The following RBPMS variants were observed in gnomAD, a reference collection of about 807,000 sequenced individuals.
RBPMS encodes RNA-binding protein with multiple splicing.
A neutral mutation model predicts 26.8 loss-of-function variants in RBPMS; 7 were observed. That is an observed-to-expected ratio of 0.26 (90% confidence interval 0.15 to 0.49). The LOEUF is 0.49. RBPMS is among the 20% of genes least tolerant of loss of function. The probability of loss-of-function intolerance (pLI) is 0.98; values close to 1 mark genes in which losing one functional copy is unlikely to be tolerated. For synonymous variants in RBPMS, 96 were observed against 93.3 expected, an observed-to-expected ratio of 1.03 and a Z score of -0.17; for missense variants, 186 against 250.0, an observed-to-expected ratio of 0.74 and a Z score of 1.73.
At chr8:30,443,272 T>G (rs192951021) in intron 1 of RBPMS, among the ~76,000 whole-genome samples, 2 of 152,326 alleles carry the variant, frequency 1.3e-5, no homozygotes, top group Admixed American at 1.3e-4. Flanking sequence ...TTAAATAGTT[T>G]TTTAAAATGG....
At position 30,390,347 on chromosome 8, in the gene RBPMS, C is replaced by T. The variant is rs968284542; in HGVS notation, c.66+5189C>T. On this transcript the variant is annotated intron_variant, in intron 1 of 8. Transcript: ENST00000397323. ...CTTAGTACTATTAGTATTTCTCTTA[C>T]TCATTCCCTTATCTTGATTGTGTTA... Among the ~76,000 whole-genome samples, 7 of 152,290 alleles carry T rather than the reference C, an allele frequency of 4.6e-5. No individual in the cohort carries two copies. The East Asian group carries it at 1.2e-3, about 25-fold the overall frequency.
rs1386914478 is a variant in RBPMS, at chr8:30,455,401, T to A, written c.67-19378T>A. Among the ~76,000 whole-genome samples the A allele has an allele frequency of 4.0e-5, 6 of 150,502 alleles. No homozygotes were observed. The East Asian group carries it at 1.2e-3, about 30-fold the overall frequency. ...TACTCTCAAGGAATTTATAATTAAATTGGAGAGGACTTAACTAAAGCCTGT... is the reference window on the plus strand; with the variant it reads ...TACTCTCAAGGAATTTATAATTAAAATGGAGAGGACTTAACTAAAGCCTGT... On this transcript the variant is annotated intron_variant, in intron 1 of 8. Coordinates refer to ENST00000397323, the MANE Select transcript of RBPMS (RefSeq NM_001008710.3).
At chr8:30,529,974 C>T (rs138132897) in intron 5 of RBPMS, among the ~76,000 whole-genome samples, 55 of 152,226 alleles carry the variant, frequency 3.6e-4, no homozygotes, top group African/African-American at 1.3e-3. Context: ...AGGTTGATCT[C>T]GAACTCCTGA....
chr8:30,504,233 G>A (rs1282590505), intron 4 of RBPMS, 53 bp from the exon 5 acceptor site: 53 of 1,603,288 alleles, frequency 3.3e-5, no homozygotes, highest in African/African-American at 4.0e-5. Flanking sequence ...TCACCATTCC[G>A]GTTTGACTCA....
chr8:30,489,966 A>G (rs1383065122), intron 4 of RBPMS, among the ~76,000 whole-genome samples: 4 of 151,790 alleles, frequency 2.6e-5, no homozygotes, highest in Admixed American at 6.6e-5. Flanking sequence ...ACCCGCCACC[A>G]CGCCCGGCTA....
At position 30,558,877 on chromosome 8, in the gene RBPMS, GTCT is replaced by G; in HGVS notation, c.529-8_529-6del. 6.2e-7 allele frequency: 1 copy of G among 1,613,860 alleles called. No individual in the cohort carries two copies. Among genetic ancestry groups the G allele is most frequent in the Non-Finnish European group, 8.5e-7 (1 of 1,179,806 alleles). ...GCCCTGGCTCACGGCCTTCTCCCAT[GTCT>G]TTTCAGATGCGCTGGCTCCCTCCCT... On this transcript the variant is annotated splice_polypyrimidine_tract_variant and splice_region_variant and intron_variant, in intron 6 of 8. Coordinates refer to ENST00000397323, the MANE Select transcript of RBPMS (RefSeq NM_001008710.3).
chr8:30,524,701 C>T (rs919914577), intron 5 of RBPMS, among the ~76,000 whole-genome samples: 5 of 152,180 alleles, frequency 3.3e-5, no homozygotes, highest in African/African-American at 1.2e-4. Flanking sequence ...GCACTTTCTT[C>T]TCTCATACTG....
chr8:30,384,932 C>T lies in RBPMS; in HGVS notation c.-161C>T. 4.7e-6 allele frequency: 2 copies of T among 426,050 alleles called. No homozygotes were observed. The highest frequency in any genetic ancestry group is 4.0e-6 in the Non-Finnish European group (1 of 251,694). The allele number at this position is 426,050 out of a possible 1,614,324, so 26.4% of individuals were successfully genotyped here. ...TCGCCGCGGGAGCCCCAGCCCAACCCGAGCCCGACAGCCACTGCCCCGGCT... is the reference window on the plus strand; with the variant it reads ...TCGCCGCGGGAGCCCCAGCCCAACCTGAGCCCGACAGCCACTGCCCCGGCT... On this transcript the variant is annotated 5_prime_UTR_variant, in exon 1 of 9. Transcript: ENST00000397323. This position sits in a 1 kb window ranked among gnomAD's most constrained non-coding sequence, Gnocchi z 5.6.
At chr8:30,532,133 T>C (rs1351480757) in intron 5 of RBPMS, among the ~76,000 whole-genome samples, 1 of 152,232 alleles carries the variant, frequency 6.6e-6, no homozygotes, top group Non-Finnish European at 1.5e-5. Flanking sequence ...CTCTATCTTC[T>C]AGTGATCATT....
intron 5 of RBPMS, among the ~76,000 whole-genome samples, chr8:30,540,221 G>C (rs1825238943): frequency 6.6e-6 from 1 of 152,226 alleles, no homozygotes; most frequent in African/African-American, 2.4e-5. Context: ...GCCTCTGGCA[G>C]AGGGAGCAGT....
At chr8:30,444,379 C>G (rs980211456) in intron 1 of RBPMS, among the ~76,000 whole-genome samples, 4 of 152,106 alleles carry the variant, frequency 2.6e-5, no homozygotes, top group African/African-American at 9.7e-5. Flanking sequence ...GTTTTGCCAC[C>G]CAGTGAGTTT....
chr8:30,548,445 A>G (rs1209746535), intron 6 of RBPMS, among the ~76,000 whole-genome samples: 2 of 152,210 alleles, frequency 1.3e-5, no homozygotes, highest in South Asian at 2.1e-4. Flanking sequence ...CTGAGAGAGA[A>G]AGTCCTGGTT....
intron 7 of RBPMS, among the ~76,000 whole-genome samples, chr8:30,559,372 C>T (rs1353645328): frequency 6.6e-6 from 1 of 152,140 alleles, no homozygotes; most frequent in Non-Finnish European, 1.5e-5. Flanking sequence ...AATGAGTTTC[C>T]CTGCATACAT....
intron 1 of RBPMS, among the ~76,000 whole-genome samples, chr8:30,437,083 C>T (rs1004376755): frequency 2.0e-5 from 3 of 151,614 alleles, no homozygotes; most frequent in African/African-American, 2.4e-5. Flanking sequence ...CCACCATGCC[C>T]GCTAATTTTT....
chr8:30,407,919 AAGG>A (rs1808840141), intron 1 of RBPMS, among the ~76,000 whole-genome samples: 1 of 148,032 alleles, frequency 6.8e-6, no homozygotes, highest in Admixed American at 6.8e-5. Context: ...AGTTTGCTTC[AAGG>A]GAACAAGAGT....
chr8:30,550,303 C>T (rs551230680), intron 6 of RBPMS, among the ~76,000 whole-genome samples: 21 of 152,308 alleles, frequency 1.4e-4, no homozygotes, highest in African/African-American at 4.3e-4. Context: ...GCCATTTACA[C>T]GCTGTGCGAC....
At position 30,470,276 on chromosome 8, in the gene RBPMS, C is replaced by T. The variant is rs181993013; in HGVS notation, c.67-4503C>T. Among the ~76,000 whole-genome samples the T allele has an allele frequency of 4.3e-3, 654 of 151,710 alleles. 3 individuals are homozygous for T. The highest frequency in any genetic ancestry group is 0.015 in the African/African-American group (606 of 41,320). On this transcript the variant is annotated intron_variant, in intron 1 of 8. Coordinates refer to ENST00000397323, the MANE Select transcript of RBPMS (RefSeq NM_001008710.3). ...GTGGGCACCTGTAATCCCAGCTACT[C>T]GGGAGGCTAAGGCAGGAGAATGGCT...
intron 1 of RBPMS, among the ~76,000 whole-genome samples, chr8:30,449,365 TCC>T (rs1444833748): frequency 7.6e-6 from 1 of 132,306 alleles, no homozygotes; most frequent in African/African-American, 3.2e-5. Flanking sequence ...TCCTCACATC[TCC>T]TCTTTTTTTT....
Position 30,384,818 on chromosome 8 carries a change from C to T in RBPMS, c.-275C>T, listed in dbSNP as rs1806807596. The stretch of plus-strand genomic sequence containing the variant: ...CCTCTCCAGGTCGCCCTCCCGGGGC[C>T]CGATTGTCTCGGTGCCCCGCTCCCG... On this transcript the variant is annotated 5_prime_UTR_variant, in exon 1 of 9. Transcript: ENST00000397323. The surrounding 1 kb of genome is among the most constrained non-coding windows in gnomAD (Gnocchi z 5.6). 1.6e-5 allele frequency: 5 copies of T among 307,080 alleles called. No individual in the cohort carries two copies. Among genetic ancestry groups the T allele is most frequent in the Non-Finnish European group, 3.0e-5 (5 of 168,298 alleles). The allele number at this position is 307,080 out of a possible 1,614,324, so 19.0% of individuals were successfully genotyped here.
Sources: allele counts gnomAD v4.1 joint callset (sites outside exome capture counted in the v4.1 genomes callset), GRCh38; gene constraint gnomAD v4.1.1; non-coding constraint Gnocchi (gnomAD v3.1); transcripts MANE v1.5; gene names NCBI Gene and HGNC (gene_info 2026-07-23, HGNC 2026-07-21).